Variants in RIN3 observed in about 807,000 individuals in gnomAD.
RIN3 encodes the protein Ras and Rab interactor 3.
Under a neutral mutation model 76.3 loss-of-function variants are expected in RIN3, and 54 were observed. The observed-to-expected ratio is 0.71, with a 90% CI of 0.57 to 0.89. The LOEUF is 0.89. RIN3 is among the 40% of genes least tolerant of loss of function. RIN3 has a pLI of 0.00. For synonymous variants in RIN3, 576 were observed against 564.0 expected, an observed-to-expected ratio of 1.02 and a Z score of -0.30; for missense variants, 1,256 against 1,322.1, an observed-to-expected ratio of 0.95 and a Z score of 0.78.
chr14:92,652,759 G>T lies in RIN3; in HGVS notation c.1710G>T (p.Lys570Asn). The T allele has an allele frequency of 1.9e-6, 3 of 1,613,944 alleles. No homozygotes were observed. The highest frequency in any genetic ancestry group is 1.7e-6 in the Non-Finnish European group (2 of 1,180,044). Residue 570 changes from lysine (K) to asparagine (N), a missense_variant, in exon 6 of 10, where the codon AAG (lysine) becomes AAT (asparagine). Physicochemically the swap from Lys to Asn is moderately conservative, Grantham distance 94. Transcript: ENST00000216487. This position sits in a 1 kb window ranked among gnomAD's most constrained non-coding sequence, Gnocchi z 6.4. ...TCAGCAGCCCCAGCGTGAAGAAGAA[G>T]CCCTCCATGATCCTGGGCAAGGCTC... is the stretch of plus-strand genomic sequence containing the variant. ...EQFSSPSVKK[K>N]PSMILGKARH...
Position 92,661,758 on chromosome 14 carries a change from C to CACAA in RIN3, c.2335+2290_2335+2291insCAAA, listed in dbSNP as rs373869994. ...ACACACACACACACACACACACACA[C>CACAA]AAAAAATAGAATTGTGCTCCCCAAA... On this transcript the variant is annotated intron_variant, in intron 7 of 9. Coordinates refer to ENST00000216487, the MANE Select transcript of RIN3 (RefSeq NM_024832.5). 1.8e-3 allele frequency among the ~76,000 whole-genome samples: 243 copies of CACAA among 133,278 alleles called. No homozygotes were observed. The East Asian group carries it at 0.029, about 16-fold the overall frequency. 87.4% of individuals were successfully genotyped at this position (133,278 alleles called of 152,430 possible).
intron 4 of RIN3, among the ~76,000 whole-genome samples, chr14:92,622,179 G>A (rs1363554217): frequency 1.3e-5 from 2 of 152,196 alleles, no homozygotes; most frequent in Admixed American, 6.5e-5. Flanking sequence ...ATTCTAAGGA[G>A]GGCTTAGTAC....
chr14:92,600,010 C>G (rs144623983), intron 3 of RIN3, among the ~76,000 whole-genome samples: 1 of 152,250 alleles, frequency 6.6e-6, no homozygotes, highest in African/African-American at 2.4e-5. Context: ...GTCACCATCC[C>G]TGACCTGGGG....
chr14:92,629,107 C>T (rs933265839), intron 4 of RIN3, among the ~76,000 whole-genome samples: 1 of 140,742 alleles, frequency 7.1e-6, no homozygotes, highest in Non-Finnish European at 1.5e-5. Flanking sequence ...GGTCCTGAGT[C>T]GGAAAGGAAA....
At chr14:92,626,082 T>C (rs1234684207) in intron 4 of RIN3, among the ~76,000 whole-genome samples, 1 of 152,244 alleles carries the variant, frequency 6.6e-6, no homozygotes, top group Non-Finnish European at 1.5e-5. Context: ...ATCTTTTTCC[T>C]GTTGTATGTC....
At chr14:92,629,117 AAGAGAGAGAG>A (rs58288914) in intron 4 of RIN3, among the ~76,000 whole-genome samples, 5,587 of 145,326 alleles carry the variant, frequency 0.038, 244 homozygotes, top group East Asian at 0.2. Flanking sequence ...CGGAAAGGAA[AAGAGAGAGAG>A]AGAGAGAGAG....
chr14:92,535,255 C>G (rs1221429937), intron 1 of RIN3, among the ~76,000 whole-genome samples: 5 of 152,008 alleles, frequency 3.3e-5, no homozygotes, highest in African/African-American at 7.3e-5. Flanking sequence ...CTTATGAGCC[C>G]TTTGTTGGGT....
chr14:92,558,909 GAC>G (rs1425587010), intron 2 of RIN3, among the ~76,000 whole-genome samples: 1 of 130,818 alleles, frequency 7.6e-6, no homozygotes, highest in African/African-American at 2.9e-5. Flanking sequence ...TTTTTGGTGA[GAC>G]AGAGTCTTGC....
chr14:92,672,900 T>C (rs1888335526), intron 7 of RIN3, among the ~76,000 whole-genome samples: 1 of 152,180 alleles, frequency 6.6e-6, no homozygotes, highest in Admixed American at 6.5e-5. Flanking sequence ...ACGTTGCATA[T>C]AGATGGAATC....
chr14:92,655,379 A>AG (rs1231789187), intron 6 of RIN3, among the ~76,000 whole-genome samples: 40 of 152,156 alleles, frequency 2.6e-4, no homozygotes, highest in Non-Finnish European at 4.7e-4. Flanking sequence ...ACAGAGAGAC[A>AG]AAGGGAGAGA....
chr14:92,521,391 CA>C (rs1207513345), intron 1 of RIN3, among the ~76,000 whole-genome samples: 1 of 152,154 alleles, frequency 6.6e-6, no homozygotes, highest in African/African-American at 2.4e-5. Flanking sequence ...TTGTCCCCTC[CA>C]AATCTCATGT....
chr14:92,527,971 G>A (rs1896787364), intron 1 of RIN3, among the ~76,000 whole-genome samples: 1 of 151,216 alleles, frequency 6.6e-6, no homozygotes, highest in East Asian at 1.9e-4. Flanking sequence ...CATGTAGATT[G>A]TTTCATAGTG....
At chr14:92,585,701 G>A (rs1884748016) in intron 3 of RIN3, among the ~76,000 whole-genome samples, 1 of 151,948 alleles carries the variant, frequency 6.6e-6, no homozygotes, top group South Asian at 2.1e-4. Context: ...TGTGATCACA[G>A]CTCACTGCAG....
intron 3 of RIN3, among the ~76,000 whole-genome samples, chr14:92,603,881 C>G (rs9788510): frequency 6.6e-6 from 1 of 152,192 alleles, no homozygotes; most frequent in African/African-American, 2.4e-5. Flanking sequence ...CCAAAGAAAT[C>G]GCTATCTTCC....
At chr14:92,561,182 A>G (rs990569415) in intron 2 of RIN3, among the ~76,000 whole-genome samples, 1 of 142,784 alleles carries the variant, frequency 7.0e-6, no homozygotes, top group African/African-American at 2.6e-5. Context: ...TACCGACACC[A>G]TGGGTGGTCC....
At chr14:92,540,829 T>C (rs890939397) in intron 1 of RIN3, among the ~76,000 whole-genome samples, 3 of 152,222 alleles carry the variant, frequency 2.0e-5, no homozygotes, top group Admixed American at 2.0e-4. Flanking sequence ...AGTCACAGAA[T>C]TGCAGAATTC....
chr14:92,627,549 G>A (rs1313831295), intron 4 of RIN3, among the ~76,000 whole-genome samples: 9 of 152,164 alleles, frequency 5.9e-5, no homozygotes, highest in Non-Finnish European at 8.8e-5. Context: ...AGGATATCCC[G>A]ACCACCAATG....
intron 3 of RIN3, among the ~76,000 whole-genome samples, chr14:92,578,747 A>G (rs1035060318): frequency 6.6e-6 from 1 of 152,146 alleles, no homozygotes; most frequent in African/African-American, 2.4e-5. Context: ...ACAAGACCAA[A>G]TGAGCCAGTT....
intron 6 of RIN3, among the ~76,000 whole-genome samples, chr14:92,658,169 G>A (rs984482572): frequency 6.6e-6 from 1 of 152,190 alleles, no homozygotes; most frequent in African/African-American, 2.4e-5. Context: ...CCTCAGAGTG[G>A]GCATCAGAGC....
Sources: allele counts gnomAD v4.1 joint callset (sites outside exome capture counted in the v4.1 genomes callset), GRCh38; gene constraint gnomAD v4.1.1; non-coding constraint Gnocchi (gnomAD v3.1); transcripts MANE v1.5; gene names NCBI Gene and HGNC (gene_info 2026-07-23, HGNC 2026-07-21).